CPQ: variants seen among roughly 807,000 people sequenced by gnomAD.
CPQ encodes carboxypeptidase Q.
Under a neutral mutation model 45.7 loss-of-function variants are expected in CPQ, and 37 were observed. That is an observed-to-expected ratio of 0.81 (90% CI 0.62 to 1.07). The LOEUF (loss-of-function observed/expected upper bound fraction) is 1.07. CPQ is among the 50% of genes least tolerant of loss of function. The probability of loss-of-function intolerance (pLI) is 0.00; values close to 1 mark genes in which losing one functional copy is unlikely to be tolerated. For missense variants in CPQ, 537 were observed against 572.9 expected (o/e 0.94, Z 0.64); for synonymous variants, 186 against 205.8 (o/e 0.90, Z 0.82).
chr8:96,953,479 C>A (rs1471497303), intron 4 of CPQ, among the ~76,000 whole-genome samples: 2 of 152,130 alleles, frequency 1.3e-5, no homozygotes, highest in Non-Finnish European at 2.9e-5. Flanking sequence ...AAGCATCTAG[C>A]CCCTTACAGT....
At chr8:96,898,251 C>A (rs761296368) in intron 4 of CPQ, among the ~76,000 whole-genome samples, 1 of 152,024 alleles carries the variant, frequency 6.6e-6, no homozygotes. Context: ...TTTCTTCCCC[C>A]CAAAATGGGA....
intron 6 of CPQ, among the ~76,000 whole-genome samples, chr8:97,059,364 C>T (rs1375450688): frequency 2.0e-5 from 3 of 152,124 alleles, no homozygotes; most frequent in Non-Finnish European, 2.9e-5. Context: ...GCTCTGTCTG[C>T]AATTTTGGTA....
intron 4 of CPQ, among the ~76,000 whole-genome samples, chr8:96,935,857 G>T (rs1041676956): frequency 6.6e-6 from 1 of 152,074 alleles, no homozygotes; most frequent in Non-Finnish European, 1.5e-5. Flanking sequence ...AGATGAAAAG[G>T]TTTCCATTAG....
At position 96,917,042 on chromosome 8, in the gene CPQ, T is replaced by C. The variant is rs553817171; in HGVS notation, c.849+37037T>C. 1.6e-4 allele frequency among the ~76,000 whole-genome samples: 24 copies of C among 152,152 alleles called. 1 individual carries two copies. The South Asian group carries it at 5.0e-3, about 32-fold the overall frequency. ...GGTTCTCTTTCTTTTTTTTCCTCCTTTTACACATTGCACTCTTTGGAAGGA... is the reference window on the plus strand; with the variant it reads ...GGTTCTCTTTCTTTTTTTTCCTCCTCTTACACATTGCACTCTTTGGAAGGA... On this transcript the variant is annotated intron_variant, in intron 4 of 7. Transcript: ENST00000220763.
intron 7 of CPQ, among the ~76,000 whole-genome samples, chr8:97,073,376 C>T (rs1015088134): frequency 3.3e-4 from 50 of 152,210 alleles, no homozygotes; most frequent in African/African-American, 1.2e-3. Context: ...AGGACTCCTG[C>T]GTTTTCCAAT....
intron 2 of CPQ, among the ~76,000 whole-genome samples, chr8:96,834,754 A>G (rs1223467196): frequency 1.3e-5 from 2 of 152,126 alleles, no homozygotes; most frequent in Non-Finnish European, 2.9e-5. Flanking sequence ...GAAAAACCTT[A>G]TGATTTTTAT....
At chr8:97,113,454 A>G (rs1811532553) in intron 7 of CPQ, among the ~76,000 whole-genome samples, 2 of 152,206 alleles carry the variant, frequency 1.3e-5, no homozygotes, top group African/African-American at 4.8e-5. Flanking sequence ...TAAAGCAAAT[A>G]ATTAGAATAT....
chr8:96,888,530 T>A (rs1046700732), intron 4 of CPQ, among the ~76,000 whole-genome samples: 3 of 152,248 alleles, frequency 2.0e-5, no homozygotes, highest in African/African-American at 7.2e-5. Flanking sequence ...CTAAAGCTGG[T>A]GCTGGAGAAA....
At chr8:96,877,986 G>A (rs190420450) in intron 3 of CPQ, among the ~76,000 whole-genome samples, 33 of 151,562 alleles carry the variant, frequency 2.2e-4, no homozygotes, top group Middle Eastern at 3.4e-3. Flanking sequence ...TTTCTGAGAC[G>A]GAGTCTCGCT....
chr8:96,716,706 G>A (rs568968475), intron 1 of CPQ, among the ~76,000 whole-genome samples: 1 of 152,202 alleles, frequency 6.6e-6, no homozygotes, highest in Admixed American at 6.5e-5. Context: ...TCAGGAGTTT[G>A]AGACCAGCCT....
intron 7 of CPQ, among the ~76,000 whole-genome samples, chr8:97,070,279 C>T (rs544911498): frequency 4.3e-4 from 66 of 152,074 alleles, no homozygotes; most frequent in African/African-American, 1.3e-3. Flanking sequence ...ATTTCTAACG[C>T]GCTTCAAGTC....
At chr8:96,769,179 C>G (rs544745993) in intron 1 of CPQ, among the ~76,000 whole-genome samples, 1 of 152,268 alleles carries the variant, frequency 6.6e-6, no homozygotes, top group South Asian at 2.1e-4. Context: ...AAATGCTTCA[C>G]TGGTTTTACT....
intron 1 of CPQ, among the ~76,000 whole-genome samples, chr8:96,760,726 C>A (rs1810390222): frequency 6.6e-6 from 1 of 152,116 alleles, no homozygotes; most frequent in African/African-American, 2.4e-5. Context: ...ATGCCAGCAG[C>A]CTTCAACTGC....
At chr8:97,078,875 G>A (rs572544365) in intron 7 of CPQ, among the ~76,000 whole-genome samples, 8 of 147,962 alleles carry the variant, frequency 5.4e-5, no homozygotes, top group African/African-American at 2.0e-4. Context: ...ATAGCTCACT[G>A]CAACCTCAAA....
chr8:97,015,483 C>A (rs1809563347), intron 5 of CPQ, among the ~76,000 whole-genome samples: 1 of 151,132 alleles, frequency 6.6e-6, no homozygotes, highest in Non-Finnish European at 1.5e-5. Flanking sequence ...TAACAATTAT[C>A]TCAATCAAGG....
chr8:96,798,838 T>A (rs1810968841), intron 2 of CPQ, among the ~76,000 whole-genome samples: 1 of 152,098 alleles, frequency 6.6e-6, no homozygotes. Context: ...CACATGGTTA[T>A]CTCCTCTGAA....
At chr8:96,657,358 C>G (rs1442027879) in intron 1 of CPQ, among the ~76,000 whole-genome samples, 1 of 152,104 alleles carries the variant, frequency 6.6e-6, no homozygotes, top group African/African-American at 2.4e-5. Context: ...AAAAAATCCT[C>G]TCTCTGTGTG....
At chr8:96,776,299 T>C (rs1229305485) in intron 1 of CPQ, among the ~76,000 whole-genome samples, 1 of 152,218 alleles carries the variant, frequency 6.6e-6, no homozygotes, top group African/African-American at 2.4e-5. Context: ...ACTTTCTGTC[T>C]GTTACACATT....
chr8:96,885,290 A>G (rs769377545), intron 4 of CPQ, among the ~76,000 whole-genome samples: 5 of 152,180 alleles, frequency 3.3e-5, no homozygotes, highest in Non-Finnish European at 7.4e-5. Context: ...TTCCTTTGAT[A>G]ATCATATTAA....
Sources: gnomAD v4.1 joint callset for allele counts (sites outside exome capture counted in the v4.1 genomes callset) on GRCh38, gnomAD v4.1.1 for gene constraint, MANE v1.5 for transcripts, NCBI Gene and HGNC (gene_info 2026-07-23, HGNC 2026-07-21) for gene names.